YLPM1: variants seen among roughly 807,000 people sequenced by gnomAD.
The protein encoded by YLPM1 is YLP motif containing 1.
YLPM1 carries 99 observed loss-of-function variants against 230.0 expected under a neutral mutation model. That is an observed-to-expected ratio of 0.43 (90% CI 0.37 to 0.51). The LOEUF (loss-of-function observed/expected upper bound fraction) is 0.51, where lower values mean the gene tolerates loss of function less well. YLPM1 is among the 20% of genes least tolerant of loss of function. The pLI is 0.00. For missense variants in YLPM1, 2,592 were observed against 2,707.7 expected (o/e 0.96, Z 0.95); for synonymous variants, 984 against 942.5 (o/e 1.04, Z -0.81).
rs775128074 is a variant in YLPM1 at position 74,782,160 on chromosome 14, A to C, written c.2117A>C (p.Lys706Thr). 6.2e-7 allele frequency: 1 copy of C among 1,612,870 alleles called. No individual in the cohort carries two copies. The highest frequency in any genetic ancestry group is 8.5e-7 in the Non-Finnish European group (1 of 1,179,758). Reference sequence around the variant, plus strand: ...GTGAATTCAAAAGCTCCTTTGAGCAAGTCTGCTCTGCCATACAGTTCATTC... The same window carrying C: ...GTGAATTCAAAAGCTCCTTTGAGCACGTCTGCTCTGCCATACAGTTCATTC... ...EQVNSKAPLS[K>T]SALPYSSFSS... Residue 706 changes from lysine (K) to threonine (T), a missense_variant, in exon 4 of 21, where the codon AAG becomes ACG. Lys to Thr is a moderately conservative substitution (Grantham distance 78). Transcript: ENST00000325680.
At chr14:74,829,475 CAAG>C in intron 19 of YLPM1, 132 bp downstream of exon 19, 1 of 1,262,300 alleles carries the variant, frequency 7.9e-7, no homozygotes, top group Non-Finnish European at 1.1e-6. Context: ...TCATGTATCC[CAAG>C]AAGGAGTCAT....
chr14:74,767,084 A>G (rs2090919502), intron 1 of YLPM1, among the ~76,000 whole-genome samples: 1 of 151,814 alleles, frequency 6.6e-6, no homozygotes, highest in Admixed American at 6.6e-5. Flanking sequence ...GGGTTTCACC[A>G]TGTTGGTCAG....
intron 18 of YLPM1, among the ~76,000 whole-genome samples, chr14:74,826,795 T>C (rs2091566488): frequency 6.6e-6 from 1 of 152,240 alleles, no homozygotes; most frequent in South Asian, 2.1e-4. Context: ...ACAGGCATCA[T>C]AATGCAAGGG....
rs1046862849 is a variant in YLPM1, at chr14:74,802,433, A to G, written c.4401-123A>G. 37 of 1,062,190 alleles carry G rather than the reference A, an allele frequency of 3.5e-5. No individual in the cohort carries two copies. In the Middle Eastern group the frequency reaches 8.3e-4, roughly 24 times the overall value. 65.8% of individuals were successfully genotyped at this position (1,062,190 alleles called of 1,614,324 possible). On this transcript the variant is annotated intron_variant, in intron 5 of 20. Transcript: ENST00000325680. ...TCCTGGAGCTGCTCAGTGTATGGCC[A>G]CTGCAGAGAATTTTAGGACAAGGAT...
intron 11 of YLPM1, among the ~76,000 whole-genome samples, chr14:74,813,284 A>G (rs1408599759): frequency 2.6e-5 from 4 of 152,354 alleles, no homozygotes; most frequent in South Asian, 2.1e-4. Context: ...CTTTTTGCCT[A>G]CTATTACTAT....
chr14:74,767,139 C>T (rs1453459262), intron 1 of YLPM1, among the ~76,000 whole-genome samples: 2 of 152,128 alleles, frequency 1.3e-5, no homozygotes, highest in Non-Finnish European at 2.9e-5. Context: ...GCCTTGGCCT[C>T]CCAAAGTGCT....
chr14:74,791,565 T>C (rs1245661293), intron 4 of YLPM1, among the ~76,000 whole-genome samples: 2 of 152,258 alleles, frequency 1.3e-5, no homozygotes, highest in East Asian at 3.8e-4. Context: ...TTCTTTGCTT[T>C]ATTTATTCCT....
chr14:74,785,575 T>C (rs752938455), intron 4 of YLPM1, among the ~76,000 whole-genome samples: 9 of 152,236 alleles, frequency 5.9e-5, no homozygotes, highest in Non-Finnish European at 1.2e-4. Context: ...GAATAATCTA[T>C]ACTATTAAGG....
Position 74,818,238 on chromosome 14 carries a change from A to G in YLPM1, c.5954A>G (p.Asp1985Gly). 1 of 1,600,366 alleles carries G rather than the reference A, an allele frequency of 6.2e-7. No homozygotes were observed. The stretch of plus-strand genomic sequence containing the variant: ...ATCTGAATTTTTCAATAGATGGCTG[A>G]TCACTGGGAAACTGCACCTCGTCAC... ...RKLKEINKMA[D>G]HWETAPRHMM... Residue 1985 changes from aspartate to glycine, a missense_variant, in exon 16 of 21, where the codon GAT becomes GGT. Asp to Gly is a moderately conservative substitution (Grantham distance 94). Around this residue, in one of 4 missense-constraint regions of YLPM1, gnomAD observed 315 missense variants for 429.3 expected, o/e 0.73. Transcript: ENST00000325680.
chr14:74,796,938 C>A (rs536491133), intron 4 of YLPM1, among the ~76,000 whole-genome samples: 3 of 139,294 alleles, frequency 2.2e-5, no homozygotes, highest in African/African-American at 7.9e-5. Context: ...GCAGCCTTTT[C>A]TGTCTCCTAA....
intron 11 of YLPM1, among the ~76,000 whole-genome samples, chr14:74,813,885 A>G (rs2091455628): frequency 6.6e-6 from 1 of 152,176 alleles, no homozygotes; most frequent in African/African-American, 2.4e-5. Context: ...AAGGTTTTCT[A>G]TGTATAAGAT....
In YLPM1 at chr14:74,798,394, G is replaced by C; in HGVS notation, c.3097G>C (p.Asp1033His). The change falls in exon 5 of 21, where the codon GAT becomes CAT. Residue 1033 changes from aspartate to histidine, a missense_variant. Physicochemically the swap from Asp to His is moderately conservative, Grantham distance 81 (BLOSUM62 -1). This residue lies in a region of YLPM1 where 1,862 missense variants were observed against 1,819.8 expected (regional missense o/e 1.02). Transcript: ENST00000325680. ...GCAAAGCAGAATGGAAGACACACGG[G>C]ATAAAGGTCTAGTAAACAGAGGTCG... The part of the protein sequence containing the change: ...PGQSRMEDTR[D>H]KGLVNRGRGQ... 1 of 1,614,022 alleles carries C rather than the reference G, an allele frequency of 6.2e-7. No individual in the cohort carries two copies. The highest frequency in any genetic ancestry group is 8.5e-7 in the Non-Finnish European group (1 of 1,179,906).
chr14:74,789,165 A>G (rs926804669), intron 4 of YLPM1, among the ~76,000 whole-genome samples: 3 of 152,130 alleles, frequency 2.0e-5, no homozygotes, highest in African/African-American at 7.2e-5. Flanking sequence ...CTTTACAATA[A>G]ATTTATCTGT....
chr14:74,798,912 A>C lies in YLPM1; in HGVS notation c.3615A>C (p.Pro1205=). The part of the protein sequence containing the change: ...HGEERGHEEF[P]LDGRNAPMER... ...AAGAGCGAGGGCATGAAGAGTTTCC[A>C]TTAGATGGTAGAAATGCTCCAATGG... The change falls in exon 5 of 21, where the codon CCA becomes CCC. Residue 1205 remains proline, a synonymous_variant. Coordinates refer to ENST00000325680, the MANE Select transcript of YLPM1 (RefSeq NM_019589.3). 1 of 1,613,962 alleles carries C rather than the reference A, an allele frequency of 6.2e-7. No individual in the cohort carries two copies. Among genetic ancestry groups the C allele is most frequent in the Non-Finnish European group, 8.5e-7 (1 of 1,179,870 alleles).
chr14:74,810,083 T>C, intron 8 of YLPM1, 81 bp downstream of exon 8: 1 of 1,474,798 alleles, frequency 6.8e-7, no homozygotes, highest in Middle Eastern at 1.8e-4. Flanking sequence ...TGAGATTATC[T>C]GAGCCTCCAT....
rs1310682977 is a variant in YLPM1, at chr14:74,764,020, G to A, written c.531G>A (p.Pro177=). The change falls in exon 1 of 21, where the codon CCG becomes CCA. Residue 177 remains proline (P), a synonymous_variant. Coordinates refer to ENST00000325680, the MANE Select transcript of YLPM1 (RefSeq NM_019589.3). ...AGCCGCCACCCTCTTACTACCCCCC[G>A]ACCTCATCTCAGCCCTACCTGCCTC... is the stretch of plus-strand genomic sequence containing the variant. ...PPQPPPSYYP[P]TSSQPYLPPA... is the part of the protein sequence containing the mutation. 6.0e-6 allele frequency: 9 copies of A among 1,502,548 alleles called. No homozygotes were observed. Among genetic ancestry groups the A allele is most frequent in the East Asian group, 2.5e-5 (1 of 40,356 alleles). 93.1% of individuals were successfully genotyped at this position (1,502,548 alleles called of 1,614,324 possible).
intron 19 of YLPM1, among the ~76,000 whole-genome samples, chr14:74,833,626 G>A (rs900854370): frequency 2.0e-5 from 3 of 152,140 alleles, no homozygotes; most frequent in Admixed American, 2.0e-4. Flanking sequence ...CTATATTGAA[G>A]CCCACATTAT....
intron 16 of YLPM1, among the ~76,000 whole-genome samples, chr14:74,818,694 A>G (rs192661907): frequency 2.6e-4 from 39 of 152,290 alleles, no homozygotes; most frequent in African/African-American, 9.4e-4. Context: ...AGTAATATAA[A>G]TTTCCTGAAT....
chr14:74,803,017 G>A (rs899547616), intron 6 of YLPM1, among the ~76,000 whole-genome samples: 2 of 151,992 alleles, frequency 1.3e-5, no homozygotes, highest in Admixed American at 6.6e-5. Flanking sequence ...CTAGCACTTT[G>A]GGAGGCTAAG....
Sources: allele counts gnomAD v4.1 joint callset (sites outside exome capture counted in the v4.1 genomes callset), GRCh38; gene constraint gnomAD v4.1.1; regional missense constraint gnomAD v4.1.1; transcripts MANE v1.5; gene names NCBI Gene and HGNC (gene_info 2026-07-23, HGNC 2026-07-21).